TSBP1: variants seen among roughly 807,000 people sequenced by gnomAD.
The protein encoded by TSBP1 is testis expressed basic protein 1, also known as testis-expressed basic protein 1.
A neutral mutation model predicts 68.8 loss-of-function variants in TSBP1; 56 were observed. The observed-to-expected ratio is 0.81, with a 90% CI of 0.66 to 1.02. The LOEUF is 1.02. TSBP1 is among the 50% of genes least tolerant of loss of function. The probability of loss-of-function intolerance (pLI) is 0.00; values close to 1 mark genes in which losing one functional copy is unlikely to be tolerated. For synonymous variants in TSBP1, 171 were observed against 208.7 expected, an observed-to-expected ratio of 0.82 and a Z score of 1.56; for missense variants, 502 against 641.2, an observed-to-expected ratio of 0.78 and a Z score of 2.34.
rs1770598116 is a variant in TSBP1, at chr6:32,343,402, T to G, written c.350-3764A>C. The stretch of plus-strand genomic sequence containing the variant: ...AGGTAGGCTCATAAAGTGGCCACAC[T>G]TGCAAGTGATCCCATGTCTTTTCCC... On this transcript the variant is annotated intron_variant, in intron 9 of 22. Coordinates refer to ENST00000612031, the Ensembl canonical transcript of TSBP1. This position sits in a 1 kb window ranked among gnomAD's most constrained non-coding sequence, Gnocchi z 4.3. 2.3e-6 allele frequency: 1 copy of G among 429,050 alleles called. No individual in the cohort carries two copies. Among genetic ancestry groups the G allele is most frequent in the Non-Finnish European group, 4.2e-6 (1 of 237,664 alleles). 26.6% of individuals were successfully genotyped at this position (429,050 alleles called of 1,614,324 possible). A position where few individuals can be genotyped will look rare whatever the true frequency, so the allele number is the denominator to read the frequency against.
At chr6:32,342,321 G>A (rs1482861853) in intron 9 of TSBP1, among the ~76,000 whole-genome samples, 1 of 151,802 alleles carries the variant, frequency 6.6e-6, no homozygotes, top group Non-Finnish European at 1.5e-5. Flanking sequence ...ATACCACCAC[G>A]CCCAGCTAAT....
At position 32,338,842 on chromosome 6, in the gene TSBP1, A is replaced by G; in HGVS notation, c.409+137T>C. ...GGCACCCCAGTTTATTAAGATAAGA[A>G]TAGGGAATAAACAAGGGGAAAGGAA... On this transcript the variant is annotated intron_variant, in intron 11 of 22. Transcript: ENST00000612031. The surrounding 1 kb of genome is among the most constrained non-coding windows in gnomAD (Gnocchi z 5.5). The G allele has an allele frequency of 1.3e-6, 1 of 743,934 alleles. No individual in the cohort carries two copies. Among genetic ancestry groups the G allele is most frequent in the Non-Finnish European group, 2.4e-6 (1 of 419,496 alleles). 46.1% of individuals were successfully genotyped at this position (743,934 alleles called of 1,614,324 possible).
Position 32,357,444 on chromosome 6 carries a change from G to A in TSBP1, c.218-1775C>T, listed in dbSNP as rs1285552522. Among the ~76,000 whole-genome samples, 4 of 152,126 alleles carry A rather than the reference G, an allele frequency of 2.6e-5. No homozygotes were observed. Among genetic ancestry groups the A allele is most frequent in the Admixed American group, 6.5e-5 (1 of 15,274 alleles). ...TCACTTCCAAGTCCTGTGGCCTTGG[G>A]CAAGTCATTAATGTTTTTTAAGCAT... On this transcript the variant is annotated intron_variant, in intron 6 of 22. Coordinates refer to ENST00000612031, the Ensembl canonical transcript of TSBP1. The surrounding 1 kb of genome is among the most constrained non-coding windows in gnomAD (Gnocchi z 4.7).
chr6:32,369,323 T>A (rs1176653362), intron 2 of TSBP1, among the ~76,000 whole-genome samples: 1 of 151,414 alleles, frequency 6.6e-6, no homozygotes, highest in African/African-American at 2.4e-5. Flanking sequence ...CCCTTGGAGC[T>A]CAGGTAATTT....
rs755558969 is a variant in TSBP1 at position 32,314,144 on chromosome 6, C to T, written c.580+1628G>A. Among the ~76,000 whole-genome samples, 5 of 152,176 alleles carry T rather than the reference C, an allele frequency of 3.3e-5. No homozygotes were observed. The highest frequency in any genetic ancestry group is 6.5e-5 in the Admixed American group (1 of 15,284). ...TTCCATTTCTGCTCCTTGGAAATCA[C>T]TCTTACCCTCCTTCTTTATGCTTAG... is the stretch of plus-strand genomic sequence containing the variant. On this transcript the variant is annotated intron_variant, in intron 19 of 22. Transcript: ENST00000612031. This position sits in a 1 kb window ranked among gnomAD's most constrained non-coding sequence, Gnocchi z 4.2.
rs1765753764 is a variant in TSBP1, at chr6:32,306,071, C to T, written c.581-3442G>A. Among the ~76,000 whole-genome samples, 1 of 152,154 alleles carries T rather than the reference C, an allele frequency of 6.6e-6. No individual in the cohort carries two copies. Among genetic ancestry groups the T allele is most frequent in the Non-Finnish European group, 1.5e-5 (1 of 68,014 alleles). On this transcript the variant is annotated intron_variant, in intron 19 of 22. Coordinates refer to ENST00000612031, the Ensembl canonical transcript of TSBP1. This position sits in a 1 kb window ranked among gnomAD's most constrained non-coding sequence, Gnocchi z 5.1. ...ATAACACATTTGTATGACAGTGAAA[C>T]AGCAAAATAACTAACATGAACTCTT...
chr6:32,305,146 A>G (rs1202193406), intron 19 of TSBP1, among the ~76,000 whole-genome samples: 2 of 152,116 alleles, frequency 1.3e-5, no homozygotes, highest in Non-Finnish European at 2.9e-5. Flanking sequence ...GAAGCATGAC[A>G]AGATTACGAA....
At chr6:32,367,026 A>C (rs1365817822) in intron 4 of TSBP1, among the ~76,000 whole-genome samples, 2 of 148,668 alleles carry the variant, frequency 1.3e-5, no homozygotes, top group African/African-American at 5.0e-5. Context: ...TCTTTCCTCA[A>C]CTCTCAGGGA....
chr6:32,335,967 T>C lies in TSBP1; in HGVS notation c.431-35A>G, dbSNP rs149838809. ...AGAAAGAGGGAGAAAGAAAAAGATA[T>C]CAGTATGCTTCACCACTGTGAAGGA... On this transcript the variant is annotated intron_variant, in intron 12 of 22. Coordinates refer to ENST00000612031, the Ensembl canonical transcript of TSBP1. This position sits in a 1 kb window ranked among gnomAD's most constrained non-coding sequence, Gnocchi z 5.5. 554 of 1,576,582 alleles carry C rather than the reference T, an allele frequency of 3.5e-4. 3 individuals are homozygous for C. The African/African-American group carries it at 6.3e-3, about 18-fold the overall frequency.
intron 4 of TSBP1, among the ~76,000 whole-genome samples, chr6:32,367,052 CGTGT>C (rs3038518): frequency 0.016 from 2,441 of 148,360 alleles, 71 homozygotes; most frequent in East Asian, 0.071. Context: ...ATGCTTGTAG[CGTGT>C]GTGTGTGTGT....
chr6:32,369,841 ATCCC>A (rs1774187189), intron 2 of TSBP1, 52 bp downstream of exon 2: 1 of 1,043,374 alleles, frequency 9.6e-7, no homozygotes, highest in Non-Finnish European at 1.5e-6. Context: ...GAATCTTGGC[ATCCC>A]TCCCTCCGTG....
At chr6:32,354,575 G>C (rs906356708) in intron 8 of TSBP1, among the ~76,000 whole-genome samples, 12 of 151,754 alleles carry the variant, frequency 7.9e-5, no homozygotes, top group Non-Finnish European at 1.6e-4. Flanking sequence ...CCTACTTCAG[G>C]GTATGTACCC....
At chr6:32,368,009 CTTTA>C in intron 3 of TSBP1, 52 bp from the exon 4 acceptor site, 2 of 1,433,766 alleles carry the variant, frequency 1.4e-6, no homozygotes, top group African/African-American at 1.4e-5. Flanking sequence ...TTAAATGAGG[CTTTA>C]TTTAAGACTC....
At chr6:32,371,423 T>C (rs1204828374) in intron 1 of TSBP1, among the ~76,000 whole-genome samples, 1 of 152,228 alleles carries the variant, frequency 6.6e-6, no homozygotes, top group Non-Finnish European at 1.5e-5. Flanking sequence ...GAATTTTTCC[T>C]AGTGCTACGG....
At chr6:32,370,108 C>T (rs1156792896) in intron 1 of TSBP1, 125 bp from the exon 2 acceptor site, 1 of 670,112 alleles carries the variant, frequency 1.5e-6, no homozygotes, top group African/African-American at 1.8e-5. Flanking sequence ...GCTACTTCAA[C>T]TCCTTTATTC....
chr6:32,368,371 T>C (rs1318678328), intron 3 of TSBP1, among the ~76,000 whole-genome samples: 1 of 152,198 alleles, frequency 6.6e-6, no homozygotes, highest in African/African-American at 2.4e-5. Context: ...TTACCCTAAC[T>C]GTGTTCACTC....
chr6:32,320,060 TCA>T (rs1767441390), intron 18 of TSBP1: 2 of 443,322 alleles, frequency 4.5e-6, no homozygotes, highest in African/African-American at 4.1e-5. Flanking sequence ...GAGGTATCAC[TCA>T]CCACTCACAT....
intron 20 of TSBP1, 60 bp from the exon 24 acceptor site, chr6:32,300,760 C>A (rs1765205985): frequency 2.6e-5 from 37 of 1,413,918 alleles, no homozygotes; most frequent in Non-Finnish European, 3.7e-5. Context: ...TTCCCAGTCC[C>A]CAAACCTCTG....
At chr6:32,366,551 C>T in intron 4 of TSBP1, 1 of 454,486 alleles carries the variant, frequency 2.2e-6, no homozygotes, top group Non-Finnish European at 4.0e-6. Context: ...ATCACGAGGT[C>T]AGGAGATCGA....
Sources: allele counts gnomAD v4.1 joint callset (sites outside exome capture counted in the v4.1 genomes callset), GRCh38; gene constraint gnomAD v4.1.1; non-coding constraint Gnocchi (gnomAD v3.1); transcripts MANE v1.5; gene names NCBI Gene and HGNC (gene_info 2026-07-23, HGNC 2026-07-21).